The following DOK5 variants were observed in gnomAD, a reference collection of about 807,000 sequenced individuals.
DOK5 encodes the protein downstream of tyrosine kinase 5.
Under a neutral mutation model 43.3 loss-of-function variants are expected in DOK5, and 27 were observed. The ratio of observed to expected loss-of-function variants is 0.62; its 90% CI spans 0.46 to 0.86. The LOEUF is 0.86. Ranked by LOEUF, DOK5 falls within the 40% of genes least tolerant of loss-of-function variation. The pLI is 0.00. For synonymous variants in DOK5, 146 were observed against 140.1 expected, an observed-to-expected ratio of 1.04 and a Z score of -0.30; for missense variants, 373 against 392.9, an observed-to-expected ratio of 0.95 and a Z score of 0.43.
chr20:54,591,409 G>C (rs1985969638), intron 4 of DOK5, among the ~76,000 whole-genome samples: 1 of 152,180 alleles, frequency 6.6e-6, no homozygotes, highest in African/African-American at 2.4e-5. Flanking sequence ...TTGACAGGCT[G>C]TATCATTATT....
At chr20:54,511,740 TTCTC>T (rs1470170048) in intron 1 of DOK5, among the ~76,000 whole-genome samples, 4 of 152,212 alleles carry the variant, frequency 2.6e-5, no homozygotes, top group Non-Finnish European at 5.9e-5. Flanking sequence ...TGGGACCTGA[TTCTC>T]TCTTGGCTTT....
chr20:54,516,363 C>T (rs1983198240), intron 1 of DOK5, among the ~76,000 whole-genome samples: 1 of 152,190 alleles, frequency 6.6e-6, no homozygotes. Context: ...AAATGATTGC[C>T]TCTTAGCAGA....
In DOK5 at chr20:54,565,745, G is replaced by A. The variant is rs369898149; in HGVS notation, c.174+10705G>A. 5.4e-4 allele frequency among the ~76,000 whole-genome samples: 82 copies of A among 152,166 alleles called. 1 individual carries two copies. Among genetic ancestry groups the A allele is most frequent in the African/African-American group, 1.9e-3 (78 of 41,502 alleles). Reference sequence around the variant, plus strand: ...CCACATTAAGATACTGAACATGGTCGGGCGCAGTGGCTCAGGCCTGTAATC... The same window carrying A: ...CCACATTAAGATACTGAACATGGTCAGGCGCAGTGGCTCAGGCCTGTAATC... On this transcript the variant is annotated intron_variant, in intron 2 of 7. Transcript: ENST00000262593.
intron 2 of DOK5, among the ~76,000 whole-genome samples, chr20:54,584,772 T>TACACAC (rs1303296109): frequency 5.0e-4 from 66 of 132,554 alleles, no homozygotes; most frequent in African/African-American, 2.2e-3. Context: ...TATATCTAGA[T>TACACAC]ATACACACAC....
chr20:54,512,791 A>G (rs1983055704), intron 1 of DOK5, among the ~76,000 whole-genome samples: 1 of 152,206 alleles, frequency 6.6e-6, no homozygotes, highest in Admixed American at 6.5e-5. Flanking sequence ...GGGGAAGCCC[A>G]TCACCAGAGC....
At chr20:54,546,828 A>G (rs1984364411) in intron 1 of DOK5, among the ~76,000 whole-genome samples, 1 of 152,218 alleles carries the variant, frequency 6.6e-6, no homozygotes, top group African/African-American at 2.4e-5. Flanking sequence ...TCAGGATGGC[A>G]TCCACCTTAA....
chr20:54,620,770 T>C (rs1464623535), intron 6 of DOK5, among the ~76,000 whole-genome samples: 2 of 152,144 alleles, frequency 1.3e-5, no homozygotes, highest in African/African-American at 4.8e-5. Context: ...ACGGGAGGAC[T>C]CCTTCCTTTA....
At chr20:54,510,143 T>C (rs1305723685) in intron 1 of DOK5, among the ~76,000 whole-genome samples, 1 of 152,198 alleles carries the variant, frequency 6.6e-6, no homozygotes, top group Non-Finnish European at 1.5e-5. Flanking sequence ...ACTTACATTT[T>C]TTTGTTTGCA....
At chr20:54,613,950 C>T (rs776029380) in intron 6 of DOK5, among the ~76,000 whole-genome samples, 7 of 151,598 alleles carry the variant, frequency 4.6e-5, no homozygotes, top group Non-Finnish European at 1.0e-4. Flanking sequence ...GCTAGGTTCC[C>T]GCCACTGCAC....
chr20:54,543,672 C>A (rs887877922), intron 1 of DOK5, among the ~76,000 whole-genome samples: 1 of 151,842 alleles, frequency 6.6e-6, no homozygotes, highest in African/African-American at 2.4e-5. Flanking sequence ...GCAACTGCAA[C>A]CTCCGCCTAA....
chr20:54,605,420 G>A (rs570606568), intron 5 of DOK5, among the ~76,000 whole-genome samples: 1 of 152,274 alleles, frequency 6.6e-6, no homozygotes, highest in African/African-American at 2.4e-5. Context: ...CAGTACCCAG[G>A]ATCACAGTCC....
rs1421183117 is a variant in DOK5, at chr20:54,475,940, G to A, written c.-7G>A. On this transcript the variant is annotated 5_prime_UTR_variant, in exon 1 of 8. Coordinates refer to ENST00000262593, the MANE Select transcript of DOK5 (RefSeq NM_018431.5). The surrounding 1 kb of genome is among the most constrained non-coding windows in gnomAD (Gnocchi z 4.2). ...TTGGGTAAAGGGGGGGTCACCGGCT[G>A]TCTGGGATGGCTTCCAATTTTAATG... 6.2e-7 allele frequency: 1 copy of A among 1,613,122 alleles called. No homozygotes were observed. Among genetic ancestry groups the A allele is most frequent in the Non-Finnish European group, 8.5e-7 (1 of 1,179,914 alleles).
intron 1 of DOK5, among the ~76,000 whole-genome samples, chr20:54,551,460 T>A (rs1342681507): frequency 6.6e-6 from 1 of 152,248 alleles, no homozygotes; most frequent in Non-Finnish European, 1.5e-5. Flanking sequence ...ATAACAGGTC[T>A]AAGAACTCTC....
intron 1 of DOK5, among the ~76,000 whole-genome samples, chr20:54,500,215 G>A (rs1982544329): frequency 6.6e-6 from 1 of 152,142 alleles, no homozygotes; most frequent in African/African-American, 2.4e-5. Context: ...ACTCTTTGTG[G>A]GTTTATTTCT....
At chr20:54,485,385 A>G (rs115303952) in intron 1 of DOK5, among the ~76,000 whole-genome samples, 2,553 of 151,910 alleles carry the variant, frequency 0.017, 70 homozygotes, top group African/African-American at 0.054. Flanking sequence ...GTAATGTAAA[A>G]GAACCATACA....
At position 54,554,946 on chromosome 20, in the gene DOK5, G is replaced by T. The variant is rs202138273; in HGVS notation, c.80G>T (p.Cys27Phe). 1.1e-4 allele frequency: 172 copies of T among 1,612,040 alleles called. 2 individuals carry two copies. The East Asian group carries it at 1.7e-3, about 16-fold the overall frequency. ...ATTTCCTTCCAGATTTATCAGCGAT[G>T]CTGGTTAGTATTCAAGAAAGCTTCA... ...RSRRLGIYQR[C>F]WLVFKKASSK... is the part of the protein sequence containing the mutation. Residue 27 changes from cysteine to phenylalanine, a missense_variant, in exon 2 of 8, where the codon TGC becomes TTC. Coordinates refer to ENST00000262593, the MANE Select transcript of DOK5 (RefSeq NM_018431.5).
chr20:54,567,153 G>A (rs1296696137), intron 2 of DOK5, among the ~76,000 whole-genome samples: 1 of 151,928 alleles, frequency 6.6e-6, no homozygotes, highest in Non-Finnish European at 1.5e-5. Context: ...CCTCTTAACA[G>A]GATCTTTTCC....
chr20:54,620,792 C>T (rs1986952879), intron 6 of DOK5, among the ~76,000 whole-genome samples: 1 of 152,038 alleles, frequency 6.6e-6, no homozygotes, highest in South Asian at 2.1e-4. Flanking sequence ...TCTTAGATTC[C>T]TCTTTTTAAC....
chr20:54,489,869 C>G (rs891199453), intron 1 of DOK5, among the ~76,000 whole-genome samples: 1 of 152,108 alleles, frequency 6.6e-6, no homozygotes, highest in African/African-American at 2.4e-5. Context: ...CTTATTGTTC[C>G]AAGGGTATTC....
Sources: allele counts gnomAD v4.1 joint callset (sites outside exome capture counted in the v4.1 genomes callset), GRCh38; gene constraint gnomAD v4.1.1; non-coding constraint Gnocchi (gnomAD v3.1); transcripts MANE v1.5; gene names NCBI Gene and HGNC (gene_info 2026-07-23, HGNC 2026-07-21).